The following IMMP2L variants were observed in gnomAD, a reference collection of about 807,000 sequenced individuals.
IMMP2L encodes mitochondrial inner membrane protease subunit 2.
A neutral mutation model predicts 19.3 loss-of-function variants in IMMP2L; 18 were observed. The ratio of observed to expected loss-of-function variants is 0.93; its 90% confidence interval spans 0.64 to 1.38. The LOEUF is 1.38. IMMP2L is among the 40% of genes most tolerant of loss of function. IMMP2L has a pLI of 0.00. For synonymous variants in IMMP2L, 76 were observed against 73.0 expected (o/e 1.04, Z -0.21); for missense variants, 233 against 218.2 (o/e 1.07, Z -0.43).
intron 3 of IMMP2L, among the ~76,000 whole-genome samples, chr7:111,050,283 C>T (rs891623487): frequency 8.5e-5 from 13 of 152,296 alleles, no homozygotes; most frequent in African/African-American, 3.1e-4. Flanking sequence ...AAGCCAAATT[C>T]ACCATATTTA....
At chr7:110,969,401 G>A (rs1819904036) in intron 3 of IMMP2L, among the ~76,000 whole-genome samples, 1 of 151,818 alleles carries the variant, frequency 6.6e-6, no homozygotes, top group Non-Finnish European at 1.5e-5. Flanking sequence ...TGTTTTTGGG[G>A]TTCATTCATA....
chr7:110,879,271 C>T (rs1032389515), intron 5 of IMMP2L, among the ~76,000 whole-genome samples: 1 of 151,852 alleles, frequency 6.6e-6, no homozygotes, highest in African/African-American at 2.4e-5. Context: ...ACCTGTAATC[C>T]CAGCTACTTG....
Position 111,191,655 on chromosome 7 carries a change from A to G in IMMP2L, c.240-228090T>C, listed in dbSNP as rs191445169. 2.9e-3 allele frequency among the ~76,000 whole-genome samples: 446 copies of G among 152,088 alleles called. 4 individuals carry two copies. Among genetic ancestry groups the G allele is most frequent in the Middle Eastern group, 0.014 (4 of 294 alleles). On this transcript the variant is annotated intron_variant, in intron 3 of 5. Coordinates refer to ENST00000405709, the MANE Select transcript of IMMP2L (RefSeq NM_032549.4). ...GCTTCTAAGGTAAGAAGATTCTAGC[A>G]TTTTTTACTCTTAAACATGTCTTGA...
At chr7:110,796,472 G>C (rs1299943843) in intron 5 of IMMP2L, among the ~76,000 whole-genome samples, 1 of 151,866 alleles carries the variant, frequency 6.6e-6, no homozygotes, top group Non-Finnish European at 1.5e-5. Context: ...CAAAATCTTT[G>C]TTTCTGACTT....
At chr7:111,036,124 GC>G (rs1791322872) in intron 3 of IMMP2L, among the ~76,000 whole-genome samples, 1 of 151,930 alleles carries the variant, frequency 6.6e-6, no homozygotes, top group Non-Finnish European at 1.5e-5. Context: ...AATAAATATG[GC>G]ATTTTAGAAC....
intron 3 of IMMP2L, among the ~76,000 whole-genome samples, chr7:111,076,717 T>C (rs757687992): frequency 3.5e-4 from 53 of 152,276 alleles, no homozygotes; most frequent in Non-Finnish European, 7.1e-4. Context: ...ATAAAAGTGA[T>C]GGGAGAACAA....
chr7:111,118,801 C>T (rs1800221725), intron 3 of IMMP2L, among the ~76,000 whole-genome samples: 1 of 152,040 alleles, frequency 6.6e-6, no homozygotes, highest in Non-Finnish European at 1.5e-5. Flanking sequence ...TCTATATTCT[C>T]TATTGTGTTT....
intron 3 of IMMP2L, among the ~76,000 whole-genome samples, chr7:111,327,988 A>G (rs1412741548): frequency 2.6e-5 from 4 of 151,816 alleles, no homozygotes; most frequent in African/African-American, 9.7e-5. Context: ...AGAATAAAGT[A>G]TTATAAAGCA....
chr7:111,489,780 C>T (rs1252931391), intron 2 of IMMP2L, among the ~76,000 whole-genome samples: 1 of 152,088 alleles, frequency 6.6e-6, no homozygotes, highest in Non-Finnish European at 1.5e-5. Context: ...ATACCTAAAT[C>T]CCTAACTTAA....
intron 3 of IMMP2L, among the ~76,000 whole-genome samples, chr7:111,111,965 T>TTTTTG (rs1799280256): frequency 7.3e-6 from 1 of 137,262 alleles, no homozygotes. Flanking sequence ...TTTTTTTTTT[T>TTTTTG]GAGATGGAGT....
At chr7:110,742,924 C>T (rs190731302) in intron 5 of IMMP2L, among the ~76,000 whole-genome samples, 170 of 152,236 alleles carry the variant, frequency 1.1e-3, no homozygotes, top group Admixed American at 6.5e-3. Context: ...GACATTCCTA[C>T]GTACATTACG....
chr7:111,398,945 A>G (rs1161212942), intron 3 of IMMP2L, among the ~76,000 whole-genome samples: 1 of 152,032 alleles, frequency 6.6e-6, no homozygotes, highest in Non-Finnish European at 1.5e-5. Flanking sequence ...CTCTACAAGG[A>G]AAACTACAAA....
At chr7:111,306,885 T>C (rs1051141835) in intron 3 of IMMP2L, among the ~76,000 whole-genome samples, 1 of 151,842 alleles carries the variant, frequency 6.6e-6, no homozygotes, top group East Asian at 1.9e-4. Context: ...TGTCAATATA[T>C]AGCAACATTA....
intron 3 of IMMP2L, among the ~76,000 whole-genome samples, chr7:111,469,917 T>A (rs1841063717): frequency 6.6e-6 from 1 of 152,034 alleles, no homozygotes; most frequent in African/African-American, 2.4e-5. Context: ...CAAAAGAAAC[T>A]ACCATCAGAG....
intron 3 of IMMP2L, among the ~76,000 whole-genome samples, chr7:111,005,458 A>T (rs1824189811): frequency 1.3e-5 from 2 of 152,194 alleles, no homozygotes; most frequent in Admixed American, 6.6e-5. Context: ...ACACAAGCAT[A>T]CCTTGCAAGG....
chr7:110,721,074 A>T (rs937617649), intron 5 of IMMP2L, among the ~76,000 whole-genome samples: 1 of 149,764 alleles, frequency 6.7e-6, no homozygotes, highest in African/African-American at 2.5e-5. Context: ...AGGAAGAGTT[A>T]TCTTGCTTCC....
chr7:110,923,709 T>C (rs1204447339), intron 4 of IMMP2L, among the ~76,000 whole-genome samples: 5 of 151,982 alleles, frequency 3.3e-5, no homozygotes, highest in African/African-American at 1.2e-4. Flanking sequence ...ATTACTTAAT[T>C]AAAATAAATT....
chr7:111,001,632 C>CAATTAAAGCAATTAAA (rs1290937285), intron 3 of IMMP2L, among the ~76,000 whole-genome samples: 1 of 152,104 alleles, frequency 6.6e-6, no homozygotes, highest in Non-Finnish European at 1.5e-5. Flanking sequence ...TTACTAGAAT[C>CAATTAAAGCAATTAAA]TCACTATTAA....
chr7:110,991,802 G>C (rs981315025), intron 3 of IMMP2L, among the ~76,000 whole-genome samples: 3 of 152,158 alleles, frequency 2.0e-5, no homozygotes, highest in African/African-American at 7.2e-5. Context: ...GGCACACATG[G>C]TTTCCACAAT....
Sources: allele counts gnomAD v4.1 joint callset (sites outside exome capture counted in the v4.1 genomes callset), GRCh38; gene constraint gnomAD v4.1.1; transcripts MANE v1.5; gene names NCBI Gene and HGNC (gene_info 2026-07-23, HGNC 2026-07-21).